DSCAM: variants seen among roughly 807,000 people sequenced by gnomAD.
The protein encoded by DSCAM is cell adhesion molecule DSCAM.
In DSCAM, 47 loss-of-function variants were observed where a neutral mutation model predicts 217.7. The observed-to-expected ratio is 0.22, with a 90% CI of 0.17 to 0.28. The LOEUF is 0.28. Ranked by LOEUF, DSCAM falls within the 10% of genes least tolerant of loss-of-function variation. DSCAM has a pLI of 1.00. For synonymous variants in DSCAM, 1,056 were observed against 1,015.3 expected (o/e 1.04, Z -0.76); for missense variants, 2,080 against 2,618.3 (o/e 0.79, Z 4.49).
intron 8 of DSCAM, among the ~76,000 whole-genome samples, chr21:40,337,124 T>C (rs115577965): frequency 1.3e-5 from 2 of 152,168 alleles, no homozygotes; most frequent in East Asian, 1.9e-4. Flanking sequence ...TGTGTCTGTA[T>C]GCGTTCTCAC....
chr21:40,686,638 A>T (rs1200084992), intron 3 of DSCAM, among the ~76,000 whole-genome samples: 1 of 152,184 alleles, frequency 6.6e-6, no homozygotes, highest in East Asian at 1.9e-4. Context: ...TGTACTCCAC[A>T]ATACACAGTT....
At chr21:40,703,118 T>A (rs73903004) in intron 2 of DSCAM, among the ~76,000 whole-genome samples, 7,421 of 152,228 alleles carry the variant, frequency 0.049, 269 homozygotes, top group African/African-American at 0.1. Flanking sequence ...TGATCAGGTG[T>A]CATTTTTTTC....
At chr21:40,534,689 T>C (rs559586443) in intron 3 of DSCAM, among the ~76,000 whole-genome samples, 3 of 152,346 alleles carry the variant, frequency 2.0e-5, no homozygotes, top group South Asian at 4.1e-4. Context: ...TTGCTTGCTA[T>C]CCAGGGCAAT....
At chr21:40,017,593 C>T (rs923889118) in intron 32 of DSCAM, among the ~76,000 whole-genome samples, 1 of 149,330 alleles carries the variant, frequency 6.7e-6, no homozygotes, top group Non-Finnish European at 1.5e-5. Context: ...TGGAGTTTTG[C>T]TCTTGTCGCC....
chr21:40,018,659 C>T (rs942810652), intron 32 of DSCAM, among the ~76,000 whole-genome samples: 17 of 152,122 alleles, frequency 1.1e-4, no homozygotes, highest in African/African-American at 3.9e-4. Context: ...AAGGAAGAAA[C>T]GTGTTTGAAA....
chr21:40,528,459 A>G (rs532257592), intron 3 of DSCAM, among the ~76,000 whole-genome samples: 5 of 152,344 alleles, frequency 3.3e-5, no homozygotes, highest in African/African-American at 9.6e-5. Flanking sequence ...ATGCATAGCC[A>G]TTGCCCTGAA....
At chr21:40,566,381 T>A (rs146589198) in intron 3 of DSCAM, among the ~76,000 whole-genome samples, 1 of 152,326 alleles carries the variant, frequency 6.6e-6, no homozygotes, top group East Asian at 1.9e-4. Context: ...TCCCATGTGA[T>A]CTACTCTGCC....
intron 3 of DSCAM, among the ~76,000 whole-genome samples, chr21:40,546,892 G>C (rs560642993): frequency 6.6e-6 from 1 of 152,242 alleles, no homozygotes; most frequent in African/African-American, 2.4e-5. Flanking sequence ...GTGAGAATGT[G>C]GTTTTGCTCC....
chr21:40,541,414 C>G (rs1254080766), intron 3 of DSCAM, among the ~76,000 whole-genome samples: 1 of 151,762 alleles, frequency 6.6e-6, no homozygotes, highest in African/African-American at 2.4e-5. Flanking sequence ...CGAGAATAAA[C>G]AGCAAAGCTT....
At chr21:40,117,656 GA>G (rs1359036184) in intron 20 of DSCAM, among the ~76,000 whole-genome samples, 1 of 152,074 alleles carries the variant, frequency 6.6e-6, no homozygotes, top group South Asian at 2.1e-4. Flanking sequence ...AAATAGAATA[GA>G]AAAAAAGTCA....
In DSCAM at chr21:40,607,730, G is replaced by C. The variant is rs545612998; in HGVS notation, c.508+85080C>G. Among the ~76,000 whole-genome samples, 14 of 152,220 alleles carry C rather than the reference G, an allele frequency of 9.2e-5. 1 individual carries two copies. The South Asian group carries it at 2.9e-3, about 32-fold the overall frequency. On this transcript the variant is annotated intron_variant, in intron 3 of 32. Coordinates refer to ENST00000400454, the MANE Select transcript of DSCAM (RefSeq NM_001389.5). ...TTCTCTCTTGCCTGCTGCCATGTAA[G>C]ACGTGCCTTTCACCTTCTGCCATGA... is the stretch of plus-strand genomic sequence containing the variant.
intron 3 of DSCAM, among the ~76,000 whole-genome samples, chr21:40,647,070 T>C (rs2089956771): frequency 6.6e-6 from 1 of 152,238 alleles, no homozygotes; most frequent in Admixed American, 6.5e-5. Context: ...CATGGGGCTA[T>C]GCAAATTTAT....
At position 40,717,007 on chromosome 21, in the gene DSCAM, A is replaced by C. The variant is rs1014097767; in HGVS notation, c.44-8236T>G. On this transcript the variant is annotated intron_variant, in intron 1 of 32. Transcript: ENST00000400454. ...ACTTTCCAGAGGAGGAAAGAAAAGT[A>C]CATTCTAGGCAGAAGTCTTAAAAAA... Among the ~76,000 whole-genome samples the C allele has an allele frequency of 6.2e-4, 94 of 152,266 alleles. 1 individual carries two copies. The highest frequency in any genetic ancestry group is 2.2e-3 in the African/African-American group (90 of 41,474).
chr21:40,664,934 G>A (rs1183374005), intron 3 of DSCAM, among the ~76,000 whole-genome samples: 6 of 152,126 alleles, frequency 3.9e-5, no homozygotes, highest in Non-Finnish European at 7.3e-5. Flanking sequence ...CACTCAGTTC[G>A]TTCACAGGAG....
chr21:40,487,412 C>A (rs899555630), intron 3 of DSCAM, among the ~76,000 whole-genome samples: 8 of 151,810 alleles, frequency 5.3e-5, no homozygotes, highest in Admixed American at 1.3e-4. Context: ...AAACATTTCA[C>A]CAGTGAAGCA....
At chr21:40,625,015 T>C (rs2089581004) in intron 3 of DSCAM, among the ~76,000 whole-genome samples, 1 of 152,160 alleles carries the variant, frequency 6.6e-6, no homozygotes, top group South Asian at 2.1e-4. Context: ...ATTATACAAA[T>C]ATATTCTCAC....
intron 3 of DSCAM, among the ~76,000 whole-genome samples, chr21:40,372,423 C>T (rs767915072): frequency 7.2e-5 from 11 of 152,068 alleles, no homozygotes; most frequent in East Asian, 1.9e-4. Context: ...GCATTTTAAC[C>T]GGACACAGTT....
intron 9 of DSCAM, among the ~76,000 whole-genome samples, chr21:40,305,331 A>G (rs1212861173): frequency 6.8e-6 from 1 of 146,510 alleles, no homozygotes; most frequent in African/African-American, 2.6e-5. Flanking sequence ...TAGAGGTTGC[A>G]GTGAGTGGAG....
intron 27 of DSCAM, among the ~76,000 whole-genome samples, chr21:40,067,919 CT>C (rs1033635961): frequency 1.3e-5 from 2 of 152,088 alleles, no homozygotes; most frequent in African/African-American, 4.8e-5. Context: ...TGTTCACAGC[CT>C]TGTTCTTCTT....
Sources: allele counts gnomAD v4.1 joint callset (sites outside exome capture counted in the v4.1 genomes callset), GRCh38; gene constraint gnomAD v4.1.1; transcripts MANE v1.5; gene names NCBI Gene and HGNC (gene_info 2026-07-23, HGNC 2026-07-21).